The following TMEM132D variants were observed in gnomAD, a reference collection of about 807,000 sequenced individuals.
TMEM132D encodes transmembrane protein 132D.
TMEM132D carries 21 observed loss-of-function variants against 62.3 expected under a neutral mutation model. The ratio of observed to expected loss-of-function variants is 0.34; its 90% CI spans 0.24 to 0.49. TMEM132D has a LOEUF of 0.49. Ranked by LOEUF, TMEM132D falls within the 20% of genes least tolerant of loss-of-function variation. The pLI is 0.99. For synonymous variants in TMEM132D, 621 were observed against 575.6 expected, an observed-to-expected ratio of 1.08 and a Z score of -1.13; for missense variants, 1,346 against 1,402.8, an observed-to-expected ratio of 0.96 and a Z score of 0.65.
At chr12:129,513,086 T>A (rs146577298) in intron 3 of TMEM132D, among the ~76,000 whole-genome samples, 1 of 152,188 alleles carries the variant, frequency 6.6e-6, no homozygotes, top group Non-Finnish European at 1.5e-5. Flanking sequence ...GGGTAACTTA[T>A]AGAGAAAAGA....
chr12:129,084,593 G>T lies in TMEM132D; in HGVS notation c.1553C>A (p.Thr518Lys), dbSNP rs376007280. 1 of 1,613,952 alleles carries T rather than the reference G, an allele frequency of 6.2e-7. No homozygotes were observed. Among genetic ancestry groups the T allele is most frequent in the African/African-American group, 1.3e-5 (1 of 74,906 alleles). ...CAGCGGAAGCCGGGGCACCCACACC[G>T]TCATCTCCAGGGGGCTGCTCAGGTG... ...YQHLSSPLEMTVWVPRLPLQI... is the reference protein window; with the variant it reads ...YQHLSSPLEMKVWVPRLPLQI... Residue 518 changes from threonine to lysine, a missense_variant, in exon 6 of 9, where the codon ACG becomes AAG. Transcript: ENST00000422113.
At chr12:129,708,605 T>G (rs1593129071) in intron 1 of TMEM132D, among the ~76,000 whole-genome samples, 1 of 72,152 alleles carries the variant, frequency 1.4e-5, no homozygotes. Context: ...AAGTAGAGGC[T>G]CAGGTAAAAA....
At chr12:129,406,392 G>T (rs1012946123) in intron 3 of TMEM132D, among the ~76,000 whole-genome samples, 1 of 152,142 alleles carries the variant, frequency 6.6e-6, no homozygotes, top group Non-Finnish European at 1.5e-5. Flanking sequence ...AGGTCGAGGC[G>T]CGTGGATCAC....
intron 4 of TMEM132D, among the ~76,000 whole-genome samples, chr12:129,283,642 T>A: frequency 6.6e-6 from 1 of 152,222 alleles, no homozygotes; most frequent in Non-Finnish European, 1.5e-5. Flanking sequence ...CCCTTCGACA[T>A]GATGGGGAGA....
intron 4 of TMEM132D, among the ~76,000 whole-genome samples, chr12:129,217,076 GT>G (rs1879226481): frequency 6.6e-6 from 1 of 152,020 alleles, no homozygotes; most frequent in African/African-American, 2.4e-5. Context: ...TTAATATATG[GT>G]TGTGAAATGA....
At chr12:129,759,808 G>T (rs1174641074) in intron 1 of TMEM132D, among the ~76,000 whole-genome samples, 4 of 152,060 alleles carry the variant, frequency 2.6e-5, no homozygotes, top group Non-Finnish European at 5.9e-5. Flanking sequence ...GAAACTATAG[G>T]TTTTCTAGAG....
At chr12:129,845,361 C>T (rs1047340319) in intron 1 of TMEM132D, among the ~76,000 whole-genome samples, 10 of 152,056 alleles carry the variant, frequency 6.6e-5, no homozygotes, top group African/African-American at 1.9e-4. Flanking sequence ...TTCTTTGTGC[C>T]GCTGTTTTAG....
chr12:129,838,106 G>T (rs1355051878), intron 1 of TMEM132D, among the ~76,000 whole-genome samples: 1 of 152,182 alleles, frequency 6.6e-6, no homozygotes, highest in African/African-American at 2.4e-5. Flanking sequence ...TTCAGGAGCA[G>T]TTGCTCTCTC....
At chr12:129,211,712 T>G (rs977901268) in intron 4 of TMEM132D, among the ~76,000 whole-genome samples, 1 of 152,194 alleles carries the variant, frequency 6.6e-6, no homozygotes, top group Admixed American at 6.5e-5. Flanking sequence ...GCTCCTGAAG[T>G]TCAGAGACCA....
intron 3 of TMEM132D, among the ~76,000 whole-genome samples, chr12:129,436,780 A>C (rs920866078): frequency 1.6e-4 from 25 of 152,196 alleles, no homozygotes; most frequent in Non-Finnish European, 3.1e-4. Flanking sequence ...AATGGTACAC[A>C]TACATGTATA....
chr12:129,465,247 C>A (rs576152665), intron 3 of TMEM132D, among the ~76,000 whole-genome samples: 2 of 152,264 alleles, frequency 1.3e-5, no homozygotes, highest in African/African-American at 2.4e-5. Context: ...AATTCAACAA[C>A]CCTTCATGCT....
intron 4 of TMEM132D, among the ~76,000 whole-genome samples, chr12:129,336,005 A>C (rs1322623665): frequency 6.6e-6 from 1 of 152,212 alleles, no homozygotes; most frequent in Non-Finnish European, 1.5e-5. Context: ...AATCATGAGG[A>C]TGGAATCCAT....
chr12:129,579,831 C>A (rs1565910748), intron 2 of TMEM132D, among the ~76,000 whole-genome samples: 1 of 152,162 alleles, frequency 6.6e-6, no homozygotes, highest in East Asian at 1.9e-4. Context: ...TCATTCAATT[C>A]AATCAAGTTG....
intron 4 of TMEM132D, among the ~76,000 whole-genome samples, chr12:129,231,118 A>G (rs1879625668): frequency 2.0e-5 from 3 of 152,206 alleles, no homozygotes; most frequent in African/African-American, 7.2e-5. Context: ...ATCAGAATAT[A>G]ACCTTTAGAA....
chr12:129,861,897 C>G (rs1467047603), intron 1 of TMEM132D, among the ~76,000 whole-genome samples: 5 of 152,010 alleles, frequency 3.3e-5, no homozygotes, highest in Non-Finnish European at 7.4e-5. Flanking sequence ...TTTTGCATTT[C>G]TGATGACCAG....
intron 5 of TMEM132D, among the ~76,000 whole-genome samples, chr12:129,188,690 T>A (rs1486986642): frequency 4.1e-5 from 6 of 147,074 alleles, no homozygotes; most frequent in South Asian, 2.1e-4. Context: ...ACTAGATGAT[T>A]GATAGATAGA....
intron 2 of TMEM132D, among the ~76,000 whole-genome samples, chr12:129,567,853 G>A (rs1301887750): frequency 6.6e-6 from 1 of 152,086 alleles, no homozygotes; most frequent in Non-Finnish European, 1.5e-5. Context: ...ATCTCCAATA[G>A]TTCTGAACAG....
Position 129,249,096 on chromosome 12 carries a change from T to C in TMEM132D, c.1300-39433A>G, listed in dbSNP as rs549493500. Among the ~76,000 whole-genome samples, 4 of 152,272 alleles carry C rather than the reference T, an allele frequency of 2.6e-5. No individual in the cohort carries two copies. In the South Asian group the frequency reaches 8.3e-4, roughly 32 times the overall value. On this transcript the variant is annotated intron_variant, in intron 4 of 8. Coordinates refer to ENST00000422113, the MANE Select transcript of TMEM132D (RefSeq NM_133448.3). ...GTGATGTCGGTGATCAGAGGAACTA[T>C]CTCATCCTCAAAGATCCCGGGATAT...
chr12:129,565,993 T>C (rs1877356624), intron 2 of TMEM132D, among the ~76,000 whole-genome samples: 1 of 152,212 alleles, frequency 6.6e-6, no homozygotes, highest in South Asian at 2.1e-4. Context: ...TACTGGTCTG[T>C]GACAAAATGC....
Sources: allele counts gnomAD v4.1 joint callset (sites outside exome capture counted in the v4.1 genomes callset), GRCh38; gene constraint gnomAD v4.1.1; transcripts MANE v1.5; gene names NCBI Gene and HGNC (gene_info 2026-07-23, HGNC 2026-07-21).